Variants in TANGO6 observed in about 807,000 individuals in gnomAD.
The protein encoded by TANGO6 is transport and Golgi organization protein 6 homolog.
Under a neutral mutation model 114.2 loss-of-function variants are expected in TANGO6, and 90 were observed. The observed-to-expected ratio is 0.79, with a 90% CI of 0.66 to 0.94. The LOEUF is 0.94. TANGO6 is among the 40% of genes least tolerant of loss of function. The pLI is 0.00. For synonymous variants in TANGO6, 477 were observed against 509.8 expected (o/e 0.94, Z 0.87); for missense variants, 1,274 against 1,315.3 (o/e 0.97, Z 0.49).
In TANGO6 at chr16:68,919,098, T is replaced by A. The variant is rs1472943179; in HGVS notation, c.2006T>A (p.Val669Glu). The A allele has an allele frequency of 6.2e-7, 1 of 1,613,032 alleles. No individual in the cohort carries two copies. The highest frequency in any genetic ancestry group is 8.5e-7 in the Non-Finnish European group (1 of 1,179,500). ...TTTTTTGGGTAGGTGGTGGACTTTG[T>A]AGCAGCAACATTGCAGAGAGCCTGT... ...FTNVTQVVDF[V>E]AATLQRACAS... Residue 669 changes from valine to glutamate, a missense_variant, in exon 12 of 18, where the codon GTA becomes GAA. Val to Glu is a moderately radical substitution (Grantham distance 121, BLOSUM62 -2). Coordinates refer to ENST00000261778, the MANE Select transcript of TANGO6 (RefSeq NM_024562.2).
chr16:68,994,783 C>T (rs555247130), intron 15 of TANGO6, among the ~76,000 whole-genome samples: 1 of 151,800 alleles, frequency 6.6e-6, no homozygotes, highest in South Asian at 2.1e-4. Context: ...TGGGGTTTCA[C>T]CATGTTGCCC....
At chr16:68,882,612 A>G (rs1962480236) in intron 7 of TANGO6, among the ~76,000 whole-genome samples, 1 of 152,214 alleles carries the variant, frequency 6.6e-6, no homozygotes, top group Non-Finnish European at 1.5e-5. Flanking sequence ...AGGTTCTAAA[A>G]TTGTATTGTG....
At chr16:69,040,501 G>T (rs1014736874) in intron 17 of TANGO6, 80 bp downstream of exon 17, 40 of 1,170,978 alleles carry the variant, frequency 3.4e-5, no homozygotes, top group Admixed American at 4.2e-5. Context: ...ACCAGGGAAG[G>T]CCTCAAACCT....
At chr16:69,009,043 C>T (rs986937954) in intron 15 of TANGO6, among the ~76,000 whole-genome samples, 1 of 147,826 alleles carries the variant, frequency 6.8e-6, no homozygotes, top group African/African-American at 2.5e-5. Flanking sequence ...TGTTAAAAAC[C>T]AATTGAACAT....
chr16:68,874,047 C>T (rs947361652), intron 4 of TANGO6, among the ~76,000 whole-genome samples: 3 of 152,322 alleles, frequency 2.0e-5, no homozygotes, highest in East Asian at 3.9e-4. Flanking sequence ...CTTTATGAAC[C>T]GTGGGGGTTG....
intron 17 of TANGO6, among the ~76,000 whole-genome samples, chr16:69,063,549 G>T (rs111550509): frequency 6.7e-6 from 1 of 149,654 alleles, no homozygotes; most frequent in African/African-American, 2.4e-5. Context: ...TAGCCAGTGT[G>T]GTGGGGGGCA....
chr16:68,871,282 C>G (rs1423612001), intron 4 of TANGO6, among the ~76,000 whole-genome samples: 2 of 151,940 alleles, frequency 1.3e-5, no homozygotes, highest in Admixed American at 1.3e-4. Flanking sequence ...TATCTTTGTT[C>G]CTCTATAAAT....
chr16:68,995,702 T>TG lies in TANGO6; in HGVS notation c.2842+21535dup, dbSNP rs1466595540. Among the ~76,000 whole-genome samples, 7 of 152,224 alleles carry TG rather than the reference T, an allele frequency of 4.6e-5. No individual in the cohort carries two copies. The East Asian group carries it at 1.2e-3, about 25-fold the overall frequency. On this transcript the variant is annotated intron_variant, in intron 15 of 17. Coordinates refer to ENST00000261778, the MANE Select transcript of TANGO6 (RefSeq NM_024562.2). Reference sequence around the variant, plus strand: ...GCTGGAACTTATTTCCATTGTACCCTGTTATTTATGCACCATTTTAAGACT... The same window carrying TG: ...GCTGGAACTTATTTCCATTGTACCCTGGTTATTTATGCACCATTTTAAGACT...
intron 17 of TANGO6, among the ~76,000 whole-genome samples, chr16:69,043,469 C>T (rs1470284031): frequency 6.6e-6 from 1 of 152,174 alleles, no homozygotes; most frequent in Admixed American, 6.5e-5. Context: ...ATTTTTGTCA[C>T]TTTCAAAACC....
intron 17 of TANGO6, among the ~76,000 whole-genome samples, chr16:69,082,079 GT>G (rs962474550): frequency 1.6e-4 from 24 of 152,224 alleles, no homozygotes; most frequent in Non-Finnish European, 1.6e-4. Flanking sequence ...CGCCTCCTGG[GT>G]TCAAGTGATT....
At chr16:68,995,619 G>C (rs2152219467) in intron 15 of TANGO6, among the ~76,000 whole-genome samples, 1 of 152,338 alleles carries the variant, frequency 6.6e-6, no homozygotes, top group South Asian at 2.1e-4. Flanking sequence ...AGACTAGAAT[G>C]AATAGGATTC....
intron 11 of TANGO6, among the ~76,000 whole-genome samples, chr16:68,913,657 C>T (rs1044572656): frequency 5.9e-5 from 9 of 151,902 alleles, no homozygotes; most frequent in Non-Finnish European, 1.3e-4. Flanking sequence ...GATCCACCCA[C>T]CTTGGCCTCC....
At chr16:68,982,760 C>T (rs917660187) in intron 15 of TANGO6, among the ~76,000 whole-genome samples, 4 of 151,492 alleles carry the variant, frequency 2.6e-5, no homozygotes, top group African/African-American at 9.7e-5. Flanking sequence ...GCATGAGCCA[C>T]GGTGCCCAGT....
chr16:68,865,171 G>A (rs1305989041), intron 3 of TANGO6, among the ~76,000 whole-genome samples: 1 of 151,950 alleles, frequency 6.6e-6, no homozygotes, highest in African/African-American at 2.4e-5. Flanking sequence ...CAGCTACTCT[G>A]GAGGTTGAGG....
At chr16:68,976,480 T>C (rs1427186646) in intron 15 of TANGO6, among the ~76,000 whole-genome samples, 1 of 152,224 alleles carries the variant, frequency 6.6e-6, no homozygotes, top group Non-Finnish European at 1.5e-5. Flanking sequence ...AAAACAATAG[T>C]TCATTCTGAA....
chr16:68,997,454 A>G (rs1305609916), intron 15 of TANGO6, among the ~76,000 whole-genome samples: 1 of 152,210 alleles, frequency 6.6e-6, no homozygotes, highest in Non-Finnish European at 1.5e-5. Flanking sequence ...CACATAGGGT[A>G]ATGTCTGGAC....
chr16:69,066,586 C>T (rs558561259), intron 17 of TANGO6, among the ~76,000 whole-genome samples: 5 of 152,112 alleles, frequency 3.3e-5, no homozygotes, highest in East Asian at 1.9e-4. Flanking sequence ...CATAAGCCAC[C>T]GCGCCCGGAC....
At chr16:68,848,084 C>G (rs1171592091) in intron 1 of TANGO6, among the ~76,000 whole-genome samples, 2 of 151,634 alleles carry the variant, frequency 1.3e-5, no homozygotes, top group Non-Finnish European at 2.9e-5. Context: ...TTCTCTCTCT[C>G]TCTCTGTTTC....
At position 68,876,305 on chromosome 16, in the gene TANGO6, G is replaced by T. The variant is rs377367453; in HGVS notation, c.1131+1015G>T. Among the ~76,000 whole-genome samples the T allele has an allele frequency of 1.1e-4, 16 of 152,022 alleles. No homozygotes were observed. In the East Asian group the frequency reaches 2.0e-3, roughly 19 times the overall value. ...GCCTCCCGAGTAGCTGGGATTACAG[G>T]CATGCGCCACCACACCCGGCTAATT... is the stretch of plus-strand genomic sequence containing the variant. On this transcript the variant is annotated intron_variant, in intron 5 of 17. Coordinates refer to ENST00000261778, the MANE Select transcript of TANGO6 (RefSeq NM_024562.2).
Sources: gnomAD v4.1 joint callset for allele counts (sites outside exome capture counted in the v4.1 genomes callset) on GRCh38, gnomAD v4.1.1 for gene constraint, MANE v1.5 for transcripts, NCBI Gene and HGNC (gene_info 2026-07-23, HGNC 2026-07-21) for gene names.